MTREX: variants seen among roughly 807,000 people sequenced by gnomAD.
The protein encoded by MTREX is exosome RNA helicase MTR4.
Under a neutral mutation model 135.4 loss-of-function variants are expected in MTREX, and 76 were observed. The observed-to-expected ratio is 0.56, with a 90% CI of 0.47 to 0.68. The LOEUF is 0.68. Ranked by LOEUF, MTREX falls within the 30% of genes least tolerant of loss-of-function variation. MTREX has a pLI of 0.00. For synonymous variants in MTREX, 404 were observed against 401.6 expected (o/e 1.01, Z -0.07); for missense variants, 920 against 1,262.1 (o/e 0.73, Z 4.11).
intron 18 of MTREX, among the ~76,000 whole-genome samples, chr5:55,383,794 G>A (rs1750435138): frequency 2.0e-5 from 3 of 152,136 alleles, no homozygotes; most frequent in Admixed American, 2.0e-4. Context: ...TTTAGAGACA[G>A]GGTCTCACTC....
chr5:55,337,713 AATTTAATG>A (rs2112051722), intron 5 of MTREX, among the ~76,000 whole-genome samples: 1 of 114,170 alleles, frequency 8.8e-6, no homozygotes, highest in Admixed American at 7.8e-5. Context: ...TCAGTAGTTT[AATTTAATG>A]ATTGATATGG....
intron 16 of MTREX, among the ~76,000 whole-genome samples, chr5:55,374,290 A>G (rs1284581424): frequency 7.0e-6 from 1 of 142,478 alleles, no homozygotes; most frequent in East Asian, 2.2e-4. Flanking sequence ...ATATATAAAC[A>G]ATTTTTTTTT....
chr5:55,408,930 TTTATTTA>T (rs1396901562), intron 22 of MTREX, among the ~76,000 whole-genome samples: 1 of 7,804 alleles, frequency 1.3e-4, no homozygotes, highest in African/African-American at 2.0e-4. Context: ...TATTTATTTA[TTTATTTA>T]TTTATTTATT....
chr5:55,340,941 A>G (rs1337861762), intron 6 of MTREX, among the ~76,000 whole-genome samples: 1 of 152,156 alleles, frequency 6.6e-6, no homozygotes, highest in African/African-American at 2.4e-5. Context: ...ATTGCAGTTA[A>G]GTTTTGCATA....
In MTREX at chr5:55,378,299, G is replaced by C. The variant is rs1277472446; in HGVS notation, c.1811-15G>C. The C allele has an allele frequency of 5.1e-6, 8 of 1,566,154 alleles. No homozygotes were observed. In the East Asian group the frequency reaches 1.8e-4, roughly 36 times the overall value. On this transcript the variant is annotated splice_polypyrimidine_tract_variant and intron_variant, in intron 16 of 26. Coordinates refer to ENST00000230640, the MANE Select transcript of MTREX (RefSeq NM_015360.5). The stretch of plus-strand genomic sequence containing the variant: ...TGTATAACCTTTTAATTTTGTACAT[G>C]TGTTCTATTTACAGAGGTAAAGAAT...
intron 2 of MTREX, among the ~76,000 whole-genome samples, chr5:55,322,998 G>C (rs1449664870): frequency 6.6e-6 from 1 of 152,150 alleles, no homozygotes; most frequent in East Asian, 1.9e-4. Context: ...GTTTTGTATT[G>C]TGGTAATGAT....
At chr5:55,397,389 T>C in intron 19 of MTREX, 27 bp from the exon 20 acceptor site, 1 of 1,453,426 alleles carries the variant, frequency 6.9e-7, no homozygotes, top group Non-Finnish European at 9.6e-7. Flanking sequence ...AATTTAACTG[T>C]AATACTGTAT....
intron 25 of MTREX, among the ~76,000 whole-genome samples, chr5:55,422,412 CTG>C (rs1242311832): frequency 6.6e-6 from 1 of 152,172 alleles, no homozygotes; most frequent in Non-Finnish European, 1.5e-5. Flanking sequence ...TAAAAACAGT[CTG>C]TTGCATTCTA....
intron 24 of MTREX, 60 bp from the exon 25 acceptor site, chr5:55,415,909 TA>T: frequency 2.4e-6 from 3 of 1,243,856 alleles, no homozygotes; most frequent in Non-Finnish European, 3.3e-6. Flanking sequence ...CTTGGAAACC[TA>T]AAGAATAAAG....
intron 16 of MTREX, among the ~76,000 whole-genome samples, chr5:55,377,370 T>C (rs1049243130): frequency 6.6e-6 from 1 of 152,084 alleles, no homozygotes; most frequent in African/African-American, 2.4e-5. Flanking sequence ...AAAAACGGAA[T>C]TACACATTTT....
At chr5:55,310,480 C>A (rs1237306363) in intron 1 of MTREX, among the ~76,000 whole-genome samples, 1 of 152,176 alleles carries the variant, frequency 6.6e-6, no homozygotes, top group East Asian at 1.9e-4. Flanking sequence ...TGGTGGCAGG[C>A]GCCTGTAATC....
chr5:55,320,605 A>G (rs1209128364), intron 1 of MTREX, among the ~76,000 whole-genome samples: 1 of 152,124 alleles, frequency 6.6e-6, no homozygotes, highest in East Asian at 1.9e-4. Context: ...CGCAGCCACC[A>G]TTCTGTGCAA....
intron 20 of MTREX, among the ~76,000 whole-genome samples, chr5:55,399,698 A>G (rs868520832): frequency 2.6e-5 from 4 of 152,094 alleles, no homozygotes; most frequent in South Asian, 4.1e-4. Flanking sequence ...CGTGTTAGCC[A>G]GGATGGTCTC....
At chr5:55,380,681 G>A (rs1469368793) in intron 18 of MTREX, among the ~76,000 whole-genome samples, 2 of 152,022 alleles carry the variant, frequency 1.3e-5, no homozygotes, top group Non-Finnish European at 2.9e-5. Flanking sequence ...TTGGTAGTAT[G>A]TTTTTGAGGA....
chr5:55,378,525 A>G (rs1450867269), intron 17 of MTREX, 39 bp downstream of exon 17: 3 of 1,553,446 alleles, frequency 1.9e-6, no homozygotes, highest in African/African-American at 1.4e-5. Flanking sequence ...TGAATAATTC[A>G]ATATTTAAAC....
intron 19 of MTREX, among the ~76,000 whole-genome samples, chr5:55,395,888 C>T (rs1184752341): frequency 2.0e-5 from 3 of 152,190 alleles, no homozygotes; most frequent in Admixed American, 6.5e-5. Flanking sequence ...GACATCAATG[C>T]ATGATCCTAG....
Position 55,327,772 on chromosome 5 carries a change from T to C in MTREX, c.396T>C (p.Ala132=). ...YLPLKPRVGK[A]AKEYPFILDA... ...CACTTAAACCACGAGTTGGAAAAGC[T>C]GCTAAGGTCTGTACTTTGGGTAATA... The change falls in exon 4 of 27, where the codon GCT becomes GCC. Residue 132 remains alanine (A), a synonymous_variant. Coordinates refer to ENST00000230640, the MANE Select transcript of MTREX (RefSeq NM_015360.5). 1 of 1,611,068 alleles carries C rather than the reference T, an allele frequency of 6.2e-7. No individual in the cohort carries two copies. The highest frequency in any genetic ancestry group is 1.1e-5 in the South Asian group (1 of 90,988).
At chr5:55,375,498 C>T (rs1024273774) in intron 16 of MTREX, among the ~76,000 whole-genome samples, 2 of 152,252 alleles carry the variant, frequency 1.3e-5, no homozygotes, top group South Asian at 2.1e-4. Context: ...GGCTCACTGG[C>T]GGTCAGAGTT....
chr5:55,382,540 C>A (rs990258876), intron 18 of MTREX, among the ~76,000 whole-genome samples: 4 of 152,000 alleles, frequency 2.6e-5, no homozygotes, highest in Admixed American at 6.6e-5. Flanking sequence ...ACAAATCCAG[C>A]AATACATTAT....
Sources: allele counts gnomAD v4.1 joint callset (sites outside exome capture counted in the v4.1 genomes callset), GRCh38; gene constraint gnomAD v4.1.1; transcripts MANE v1.5; gene names NCBI Gene and HGNC (gene_info 2026-07-23, HGNC 2026-07-21).